Variants in CREB5 observed in about 807,000 individuals in gnomAD.
The protein encoded by CREB5 is cAMP responsive element binding protein 5.
CREB5 carries 19 observed loss-of-function variants against 57.1 expected under a neutral mutation model. The ratio of observed to expected loss-of-function variants is 0.33; its 90% CI spans 0.23 to 0.49. The LOEUF is 0.49. Ranked by LOEUF, CREB5 falls within the 20% of genes least tolerant of loss-of-function variation. CREB5 has a pLI of 0.99. For missense variants in CREB5, 579 were observed against 671.6 expected, an observed-to-expected ratio of 0.86 and a Z score of 1.52; for synonymous variants, 238 against 238.3, an observed-to-expected ratio of 1.00 and a Z score of 0.01.
chr7:28,732,843 G>GTTTTTTTTT, intron 7 of CREB5, among the ~76,000 whole-genome samples: 1 of 141,494 alleles, frequency 7.1e-6, no homozygotes, highest in Non-Finnish European at 1.5e-5. Context: ...GTTTAGGGTT[G>GTTTTTTTTT]TTTTTTTTTT....
In CREB5 at chr7:28,718,652, C is replaced by T. The variant is rs1445250110; in HGVS notation, c.465-101C>T. Reference sequence around the variant, plus strand: ...TGACTCTCCCATCAGTGGATCTGATCTGCTGCACATGTGACATTGTTGTCC... The same window carrying T: ...TGACTCTCCCATCAGTGGATCTGATTTGCTGCACATGTGACATTGTTGTCC... On this transcript the variant is annotated intron_variant, in intron 5 of 10. Coordinates refer to ENST00000357727, the MANE Select transcript of CREB5 (RefSeq NM_182898.4). 4 of 1,498,130 alleles carry T rather than the reference C, an allele frequency of 2.7e-6. No homozygotes were observed. In the African/African-American group the frequency reaches 4.1e-5, roughly 16 times the overall value. The allele number at this position is 1,498,130 out of a possible 1,614,324, so 92.8% of individuals were successfully genotyped here. A position where few individuals can be genotyped will look rare whatever the true frequency, so the allele number is the denominator to read the frequency against.
At chr7:28,697,385 G>A (rs1471514965) in intron 5 of CREB5, among the ~76,000 whole-genome samples, 1 of 151,934 alleles carries the variant, frequency 6.6e-6, no homozygotes, top group Non-Finnish European at 1.5e-5. Context: ...ATAAAATTAA[G>A]GTATTTTGTT....
At chr7:28,420,555 C>CCAGCACTTTGGG in intron 1 of CREB5, among the ~76,000 whole-genome samples, 1 of 152,178 alleles carries the variant, frequency 6.6e-6, no homozygotes, top group Non-Finnish European at 1.5e-5. Flanking sequence ...GCCTGTAATC[C>CCAGCACTTTGGG]CAGCACTTTG....
At chr7:28,328,863 T>A (rs1279471167) in intron 1 of CREB5, among the ~76,000 whole-genome samples, 1 of 152,212 alleles carries the variant, frequency 6.6e-6, no homozygotes, top group Non-Finnish European at 1.5e-5. Context: ...CTTAGGGTAT[T>A]GAGAGGGCTC....
intron 9 of CREB5, 21 bp downstream of exon 9, chr7:28,809,435 C>T (rs1808965099): frequency 6.3e-7 from 1 of 1,578,368 alleles, no homozygotes; most frequent in African/African-American, 1.3e-5. Context: ...CGGTGTCTTT[C>T]CCCGCGACTC....
intron 5 of CREB5, among the ~76,000 whole-genome samples, chr7:28,701,814 A>T (rs974572185): frequency 2.0e-5 from 3 of 152,250 alleles, no homozygotes; most frequent in Non-Finnish European, 4.4e-5. Context: ...GAATTGTATC[A>T]GTTTCCAGGA....
chr7:28,302,915 G>A (rs1472278167), intron 1 of CREB5, among the ~76,000 whole-genome samples: 1 of 152,180 alleles, frequency 6.6e-6, no homozygotes, highest in Non-Finnish European at 1.5e-5. Context: ...AAGCAATGCT[G>A]TTCACAGAAT....
intron 4 of CREB5, among the ~76,000 whole-genome samples, chr7:28,538,409 C>T (rs1026552903): frequency 3.2e-5 from 4 of 124,732 alleles, no homozygotes; most frequent in Admixed American, 8.0e-5. Context: ...AACCTTTATT[C>T]GCTTAAAGTC....
upstream of CREB5, among the ~76,000 whole-genome samples, chr7:28,408,545 C>A (rs992872082): frequency 6.6e-5 from 10 of 152,142 alleles, no homozygotes; most frequent in African/African-American, 2.4e-4. Context: ...GGCCAGTTAC[C>A]GAAGAGGCTC....
intron 7 of CREB5, among the ~76,000 whole-genome samples, chr7:28,774,990 A>C (rs557142413): frequency 5.9e-5 from 9 of 152,190 alleles, no homozygotes; most frequent in African/African-American, 2.2e-4. Context: ...AGAAAGAACA[A>C]GTTTGCAATC....
At chr7:28,504,631 G>T (rs1431417445) in intron 3 of CREB5, among the ~76,000 whole-genome samples, 2 of 152,020 alleles carry the variant, frequency 1.3e-5, no homozygotes, top group African/African-American at 4.8e-5. Context: ...AGAGTTGAAA[G>T]TTTTTTTTGT....
chr7:28,336,804 T>C (rs1350702656), intron 1 of CREB5, among the ~76,000 whole-genome samples: 1 of 152,046 alleles, frequency 6.6e-6, no homozygotes, highest in Non-Finnish European at 1.5e-5. Flanking sequence ...TAGAAGTTTT[T>C]TTTTTACTTT....
chr7:28,411,594 A>G (rs1472200104), upstream of CREB5, among the ~76,000 whole-genome samples: 1 of 152,138 alleles, frequency 6.6e-6, no homozygotes, highest in Non-Finnish European at 1.5e-5. Context: ...GGTGTGCAGC[A>G]GAAATTAAAT....
chr7:28,449,802 T>G (rs1405156481), intron 1 of CREB5, among the ~76,000 whole-genome samples: 1 of 152,214 alleles, frequency 6.6e-6, no homozygotes, highest in East Asian at 1.9e-4. Flanking sequence ...AAAACTTCAT[T>G]GGTTGCTTAA....
At chr7:28,541,638 C>T (rs1794215613) in intron 4 of CREB5, among the ~76,000 whole-genome samples, 1 of 152,158 alleles carries the variant, frequency 6.6e-6, no homozygotes. Flanking sequence ...TGCACTCCAG[C>T]AACAGAGTAA....
intron 1 of CREB5, among the ~76,000 whole-genome samples, chr7:28,385,836 C>T (rs1787081033): frequency 6.6e-6 from 1 of 152,048 alleles, no homozygotes; most frequent in South Asian, 2.1e-4. Context: ...AATGCAGTCA[C>T]ACGAGTTTCT....
chr7:28,374,099 C>G (rs1786773501), intron 1 of CREB5, among the ~76,000 whole-genome samples: 1 of 151,964 alleles, frequency 6.6e-6, no homozygotes, highest in Non-Finnish European at 1.5e-5. Context: ...ATACAGATGG[C>G]AAATAAGCAT....
At chr7:28,733,981 A>G (rs1202499633) in intron 7 of CREB5, among the ~76,000 whole-genome samples, 2 of 152,156 alleles carry the variant, frequency 1.3e-5, no homozygotes, top group Non-Finnish European at 2.9e-5. Flanking sequence ...TAGGTGGGAT[A>G]GAGACACTGA....
At chr7:28,343,971 T>C (rs1351081038) in intron 1 of CREB5, among the ~76,000 whole-genome samples, 1 of 152,214 alleles carries the variant, frequency 6.6e-6, no homozygotes, top group Non-Finnish European at 1.5e-5. Flanking sequence ...GAGCATTTTT[T>C]CATATACCTG....
Sources: allele counts gnomAD v4.1 joint callset (sites outside exome capture counted in the v4.1 genomes callset), GRCh38; gene constraint gnomAD v4.1.1; transcripts MANE v1.5; gene names NCBI Gene and HGNC (gene_info 2026-07-23, HGNC 2026-07-21).